Variants in TRIM64B observed in about 807,000 individuals in gnomAD.
The protein encoded by TRIM64B is tripartite motif-containing protein 64B.
For synonymous variants in TRIM64B, 17 were observed against 190.3 expected, an observed-to-expected ratio of 0.09 and a Z score of 7.50; for missense variants, 57 against 536.4, an observed-to-expected ratio of 0.11 and a Z score of 8.83.
At chr11:89,872,777 G>C (rs1950124600) in intron 4 of TRIM64B, among the ~76,000 whole-genome samples, 1 of 151,906 alleles carries the variant, frequency 6.6e-6, no homozygotes, top group Admixed American at 6.5e-5. Context: ...GAACCCTGCT[G>C]CTGAGGGGCC....
chr11:89,871,771 ATT>A (rs1246271183), intron 5 of TRIM64B, among the ~76,000 whole-genome samples: 1 of 63,562 alleles, frequency 1.6e-5, no homozygotes, highest in Non-Finnish European at 3.1e-5. Flanking sequence ...TATTTTAGTC[ATT>A]TTCTTTGTTG....
intron 5 of TRIM64B, among the ~76,000 whole-genome samples, chr11:89,871,450 A>T (rs1206147537): frequency 2.0e-5 from 3 of 152,178 alleles, no homozygotes; most frequent in Non-Finnish European, 4.4e-5. Flanking sequence ...TTTTAAGATC[A>T]TCAACAGGTA....
At chr11:89,875,747 T>C in exon 1 of TRIM64B, 1 of 1,541,184 alleles carries the variant, frequency 6.5e-7, no homozygotes, top group South Asian at 1.2e-5. Context: ...AGCACACAGA[T>C]ATTGTCTGAG....
chr11:89,875,441 A>G (rs1330314350), intron 1 of TRIM64B, among the ~76,000 whole-genome samples, 169 bp downstream of exon 2: 26 of 152,404 alleles, frequency 1.7e-4, no homozygotes. Context: ...CTATGATTAG[A>G]GTGCCAAATT....
At chr11:89,871,341 G>A (rs1290807991) in intron 5 of TRIM64B, among the ~76,000 whole-genome samples, 1 of 152,312 alleles carries the variant, frequency 6.6e-6, no homozygotes, top group East Asian at 1.9e-4. Flanking sequence ...ATACCACAGG[G>A]GAAATAATGA....
intron 5 of TRIM64B, among the ~76,000 whole-genome samples, chr11:89,871,506 T>C (rs1193457062): frequency 1.3e-5 from 2 of 151,820 alleles, no homozygotes; most frequent in East Asian, 2.0e-4. Context: ...ATGTAAGTTA[T>C]GCCTGTTATA....
chr11:89,877,504 C>T (rs1380006899), upstream of TRIM64B, among the ~76,000 whole-genome samples: 32 of 147,390 alleles, frequency 2.2e-4, no homozygotes, highest in Non-Finnish European at 4.1e-4. Context: ...GAAGCATGGC[C>T]GCCAATTCAC....
upstream of TRIM64B, among the ~76,000 whole-genome samples, chr11:89,877,954 G>A (rs1285741786): frequency 6.7e-6 from 1 of 148,418 alleles, no homozygotes; most frequent in Admixed American, 6.7e-5. Flanking sequence ...TTCAGATCTA[G>A]TCTGCAAATT....
upstream of TRIM64B, among the ~76,000 whole-genome samples, chr11:89,876,721 CAAAAAAAAAA>C (rs57069977): frequency 1.9e-5 from 2 of 106,084 alleles, no homozygotes; most frequent in Admixed American, 2.2e-4. Context: ...GACTCTGTCT[CAAAAAAAAAA>C]AAAAAAAAAG....
upstream of TRIM64B, among the ~76,000 whole-genome samples, chr11:89,876,508 G>T (rs1192727733): frequency 6.7e-6 from 1 of 149,516 alleles, no homozygotes; most frequent in African/African-American, 2.4e-5. Context: ...GGATCACGAG[G>T]TCAGGAGATC....
At chr11:89,878,197 A>G (rs1220338300), upstream of TRIM64B, among the ~76,000 whole-genome samples, 1 of 130,318 alleles carries the variant, frequency 7.7e-6, no homozygotes, top group Admixed American at 8.0e-5. Flanking sequence ...TCAAATAGCA[A>G]GGGAACACAA....
upstream of TRIM64B, among the ~76,000 whole-genome samples, chr11:89,877,308 G>A: frequency 8.5e-6 from 1 of 117,150 alleles, no homozygotes; most frequent in Admixed American, 9.6e-5. Flanking sequence ...AATTAGGAAA[G>A]TTTTTTCCCA....
intron 4 of TRIM64B, among the ~76,000 whole-genome samples, chr11:89,872,576 T>G (rs1261773351): frequency 6.6e-6 from 1 of 151,808 alleles, no homozygotes; most frequent in East Asian, 1.9e-4. Context: ...TGCCTCCCTC[T>G]GCCCATCACA....
At chr11:89,876,776 A>G (rs1950167610), upstream of TRIM64B, among the ~76,000 whole-genome samples, 1 of 149,388 alleles carries the variant, frequency 6.7e-6, no homozygotes, top group Admixed American at 6.7e-5. Flanking sequence ...TTCTCCCTGT[A>G]AATATTTTTT....
At chr11:89,872,922 C>CTTTT (rs34678191) in intron 4 of TRIM64B, among the ~76,000 whole-genome samples, 5 of 135,938 alleles carry the variant, frequency 3.7e-5, no homozygotes, top group Non-Finnish European at 6.4e-5. Context: ...CTCCCTCTGT[C>CTTTT]TTTTTTTTTT....
At chr11:89,876,721 CAA>C (rs57069977), upstream of TRIM64B, among the ~76,000 whole-genome samples, 96 of 106,056 alleles carry the variant, frequency 9.1e-4, no homozygotes, top group African/African-American at 2.4e-3. Context: ...GACTCTGTCT[CAA>C]AAAAAAAAAA....
At chr11:89,876,497 C>T (rs535810345), upstream of TRIM64B, among the ~76,000 whole-genome samples, 612 of 149,574 alleles carry the variant, frequency 4.1e-3, 73 homozygotes, top group Non-Finnish European at 3.1e-3. Context: ...CCGAGGCGGG[C>T]GGATCACGAG....
chr11:89,876,450 G>A (rs573293848), upstream of TRIM64B, among the ~76,000 whole-genome samples: 10 of 149,580 alleles, frequency 6.7e-5, no homozygotes, highest in East Asian at 2.0e-4. Flanking sequence ...TTGGCAGGGC[G>A]CGGTACTCAT....
chr11:89,872,740 A>G (rs1950124145), intron 4 of TRIM64B, among the ~76,000 whole-genome samples: 1 of 151,782 alleles, frequency 6.6e-6, no homozygotes, highest in Admixed American at 6.5e-5. Context: ...CTTTTGTGCA[A>G]AACAAAGGAG....
Sources: allele counts gnomAD v4.1 joint callset (sites outside exome capture counted in the v4.1 genomes callset), GRCh38; gene constraint gnomAD v4.1.1; transcripts MANE v1.5; gene names NCBI Gene and HGNC (gene_info 2026-07-23, HGNC 2026-07-21).